GPLD1: variants seen among roughly 807,000 people sequenced by gnomAD.
GPLD1 encodes glycosylphosphatidylinositol specific phospholipase D1, also known as phosphatidylinositol-glycan-specific phospholipase D.
GPLD1 carries 84 observed loss-of-function variants against 112.6 expected under a neutral mutation model. The observed-to-expected ratio is 0.75, with a 90% CI of 0.63 to 0.89. The LOEUF (loss-of-function observed/expected upper bound fraction) is 0.89. GPLD1 is among the 40% of genes least tolerant of loss of function. The pLI is 0.00. For missense variants in GPLD1, 1,044 were observed against 1,051.5 expected (o/e 0.99, Z 0.10); for synonymous variants, 386 against 403.8 (o/e 0.96, Z 0.53).
Position 24,466,700 on chromosome 6 carries a change from G to C in GPLD1, c.801C>G (p.Phe267Leu), listed in dbSNP as rs1433385269. 3 of 1,612,614 alleles carry C rather than the reference G, an allele frequency of 1.9e-6. No individual in the cohort carries two copies. The highest frequency in any genetic ancestry group is 2.5e-6 in the Non-Finnish European group (3 of 1,178,768). ...WSTNIYHLTS[F>L]MLENGTSDCN... Reference sequence around the variant, plus strand: ...TTCACCTGGTCCCATTCTCCAACATGAAGCTTGTTAGATGGTAAATATTAG... The same window carrying C: ...TTCACCTGGTCCCATTCTCCAACATCAAGCTTGTTAGATGGTAAATATTAG... The change falls in exon 10 of 25, where the codon TTC (phenylalanine) becomes TTG (leucine). Residue 267 changes from phenylalanine to leucine, a missense_variant. Physicochemically the swap from Phe to Leu is conservative, Grantham distance 22. Coordinates refer to ENST00000230036, the MANE Select transcript of GPLD1 (RefSeq NM_001503.4).
intron 14 of GPLD1, among the ~76,000 whole-genome samples, chr6:24,450,469 C>T (rs1410916979): frequency 6.6e-6 from 1 of 151,790 alleles, no homozygotes; most frequent in Non-Finnish European, 1.5e-5. Flanking sequence ...CCACTGCACT[C>T]CAGCCTAGGC....
intron 7 of GPLD1, among the ~76,000 whole-genome samples, chr6:24,468,901 A>T (rs1042224694): frequency 2.0e-5 from 3 of 152,214 alleles, no homozygotes; most frequent in African/African-American, 7.2e-5. Context: ...GGACCTCCTG[A>T]GGCTGTATCA....
upstream of GPLD1, among the ~76,000 whole-genome samples, chr6:24,492,253 C>G (rs1210326163): frequency 6.6e-6 from 1 of 151,878 alleles, no homozygotes; most frequent in African/African-American, 2.4e-5. Context: ...GCCTGTAATC[C>G]CAGCACTTTG....
At chr6:24,484,304 C>T (rs114572737) in intron 2 of GPLD1, among the ~76,000 whole-genome samples, 3,976 of 150,794 alleles carry the variant, frequency 0.026, 129 homozygotes, top group African/African-American at 0.084. Context: ...CTCTACCTCC[C>T]GGGTTCAAAC....
At position 24,426,121 on chromosome 6, in the gene GPLD1, T is replaced by C. The variant is rs1464992522; in HGVS notation, c.*2911A>G. 1 of 152,198 alleles carries C rather than the reference T, an allele frequency of 6.6e-6. No homozygotes were observed. The highest frequency in any genetic ancestry group is 1.5e-5 in the Non-Finnish European group (1 of 68,034). The allele number at this position is 152,198 out of a possible 1,614,324, so 9.4% of individuals were successfully genotyped here. A position where few individuals can be genotyped will look rare whatever the true frequency, so the allele number is the denominator to read the frequency against. On this transcript the variant is annotated 3_prime_UTR_variant, in exon 25 of 25. Transcript: ENST00000230036. ...AAAGCTGTTACATATACGCAGATAG[T>C]AGCAAGACAGAAAATGCAAATATGT... is the stretch of plus-strand genomic sequence containing the variant.
chr6:24,466,190 CA>C (rs1028184556), intron 10 of GPLD1, among the ~76,000 whole-genome samples: 1 of 152,150 alleles, frequency 6.6e-6, no homozygotes, highest in Non-Finnish European at 1.5e-5. Context: ...ACTAAAAATA[CA>C]AAAAAATTAG....
At chr6:24,461,345 GAA>G (rs745947970) in intron 11 of GPLD1, among the ~76,000 whole-genome samples, 1 of 147,940 alleles carries the variant, frequency 6.8e-6, no homozygotes. Flanking sequence ...AAAAGAAAAA[GAA>G]AAAAAAAAGT....
chr6:24,477,320 A>G (rs151275145), intron 3 of GPLD1, among the ~76,000 whole-genome samples: 310 of 149,998 alleles, frequency 2.1e-3, no homozygotes, highest in African/African-American at 7.3e-3. Context: ...TGTCTATACC[A>G]TAGCTCACAA....
In GPLD1 at chr6:24,452,770, T is replaced by C. The variant is rs1299424702; in HGVS notation, c.1335+1245A>G. Among the ~76,000 whole-genome samples, 17 of 98,860 alleles carry C rather than the reference T, an allele frequency of 1.7e-4. 1 individual carries two copies. Among genetic ancestry groups the C allele is most frequent in the African/African-American group, 7.3e-4 (16 of 21,834 alleles). The allele number at this position is 98,860 out of a possible 152,430, so 64.9% of individuals were successfully genotyped here. ...CAGTCTGGGCAACAGTGAGAGTTTA[T>C]CTCAAAAAAAAAAAAAAAGCAAGCA... On this transcript the variant is annotated intron_variant, in intron 14 of 24. Transcript: ENST00000230036.
chr6:24,448,102 GT>G (rs770082413), intron 16 of GPLD1, 31 bp downstream of exon 16: 2 of 1,611,174 alleles, frequency 1.2e-6, no homozygotes, highest in South Asian at 2.2e-5. Context: ...CGAGTTCTAG[GT>G]TTCTGCACCT....
chr6:24,478,498 CTCCATTTGTCCT>C (rs573686375), intron 3 of GPLD1, among the ~76,000 whole-genome samples: 1 of 152,266 alleles, frequency 6.6e-6, no homozygotes, highest in African/African-American at 2.4e-5. Context: ...TGCTGGGGGC[CTCCATTTGTCCT>C]TCCAGACCCA....
At chr6:24,489,740 G>A (rs1764504380), upstream of GPLD1, 3 of 599,430 alleles carry the variant, frequency 5.0e-6, no homozygotes, top group Non-Finnish European at 8.0e-6. Context: ...TGGGGGGTGG[G>A]GTTGGGAGGA....
intron 22 of GPLD1, chr6:24,433,703 C>T: frequency 3.6e-6 from 1 of 277,640 alleles, no homozygotes; most frequent in Non-Finnish European, 6.9e-6. Flanking sequence ...CCACGTTGGC[C>T]AGGCCGGTCT....
intron 22 of GPLD1, among the ~76,000 whole-genome samples, chr6:24,434,627 G>A (rs1446207910): frequency 6.6e-6 from 1 of 151,834 alleles, no homozygotes; most frequent in Non-Finnish European, 1.5e-5. Flanking sequence ...CACGAGGTCA[G>A]GAGATCAAGA....
intron 12 of GPLD1, among the ~76,000 whole-genome samples, chr6:24,459,993 G>T (rs372576819): frequency 2.0e-5 from 3 of 151,980 alleles, no homozygotes; most frequent in Non-Finnish European, 4.4e-5. Flanking sequence ...TGAACTCCTG[G>T]GCTCAAGCAA....
intron 2 of GPLD1, among the ~76,000 whole-genome samples, chr6:24,485,387 A>G (rs1764336491): frequency 6.6e-6 from 1 of 152,214 alleles, no homozygotes; most frequent in African/African-American, 2.4e-5. Context: ...ATAAAAACAA[A>G]AAGATGTGTT....
intron 22 of GPLD1, among the ~76,000 whole-genome samples, chr6:24,435,253 C>T (rs887676930): frequency 2.6e-5 from 4 of 151,964 alleles, no homozygotes; most frequent in African/African-American, 9.7e-5. Flanking sequence ...CCTTGTGATC[C>T]GCCCGCCTCA....
intron 13 of GPLD1, among the ~76,000 whole-genome samples, chr6:24,455,720 CTG>C (rs895169733): frequency 6.6e-6 from 1 of 152,182 alleles, no homozygotes; most frequent in Non-Finnish European, 1.5e-5. Flanking sequence ...CAAAAGAAAT[CTG>C]TAAGAATTTA....
At chr6:24,480,418 G>A (rs1186803061) in intron 2 of GPLD1, among the ~76,000 whole-genome samples, 4 of 152,056 alleles carry the variant, frequency 2.6e-5, no homozygotes, top group Non-Finnish European at 4.4e-5. Flanking sequence ...AACCTCCCAG[G>A]TTCAAGCGAT....
Sources: allele counts gnomAD v4.1 joint callset (sites outside exome capture counted in the v4.1 genomes callset), GRCh38; gene constraint gnomAD v4.1.1; transcripts MANE v1.5; gene names NCBI Gene and HGNC (gene_info 2026-07-23, HGNC 2026-07-21).